Variants in ANK2 observed in about 807,000 individuals in gnomAD.
ANK2 encodes the protein ankyrin-2.
ANK2 carries 83 observed loss-of-function variants against 360.5 expected under a neutral mutation model. The ratio of observed to expected loss-of-function variants is 0.23; its 90% CI spans 0.19 to 0.28. ANK2 has a LOEUF of 0.28. Among genes scored for constraint, ANK2 ranks in the 10% least tolerant of loss-of-function variants. ANK2 has a pLI of 1.00. For missense variants in ANK2, 4,201 were observed against 4,795.7 expected (o/e 0.88, Z 3.66); for synonymous variants, 1,740 against 1,759.5 (o/e 0.99, Z 0.28).
intron 18 of ANK2, among the ~76,000 whole-genome samples, chr4:113,287,023 A>G (rs2064999362): frequency 6.6e-6 from 1 of 152,138 alleles, no homozygotes; most frequent in Non-Finnish European, 1.5e-5. Context: ...TATACCAAAC[A>G]TGTTGCATAA....
intron 2 of ANK2, among the ~76,000 whole-genome samples, chr4:112,960,306 G>A (rs2034089230): frequency 6.6e-6 from 1 of 151,584 alleles, no homozygotes; most frequent in African/African-American, 2.4e-5. Context: ...ATGTATGCAG[G>A]GTGGATTCTA....
the ANK2 span, among the ~76,000 whole-genome samples, chr4:112,782,636 A>T: frequency 4.6e-5 from 7 of 151,946 alleles, no homozygotes; most frequent in African/African-American, 1.7e-4. Context: ...GGAGGCCGAG[A>T]TGGGTGGATC....
At chr4:113,230,540 T>C (rs1017121925) in intron 4 of ANK2, among the ~76,000 whole-genome samples, 1 of 152,118 alleles carries the variant, frequency 6.6e-6, no homozygotes, top group Admixed American at 6.6e-5. Flanking sequence ...TTTTCTCCTC[T>C]TTTAAGTTTT....
At chr4:113,274,118 T>G (rs182821692) in intron 14 of ANK2, among the ~76,000 whole-genome samples, 1 of 152,328 alleles carries the variant, frequency 6.6e-6, no homozygotes, top group East Asian at 1.9e-4. Context: ...CTAGGACTTT[T>G]GGACTAGATT....
rs139808980 is a variant in ANK2 at position 113,119,732 on chromosome 4, C to T, written c.85-54684C>T. Among the ~76,000 whole-genome samples the T allele has an allele frequency of 2.3e-3, 352 of 151,978 alleles. 1 individual carries two copies. Among genetic ancestry groups the T allele is most frequent in the African/African-American group, 8.2e-3 (340 of 41,466 alleles). On this transcript the variant is annotated intron_variant, in intron 1 of 45. Transcript: ENST00000357077. ...TTTGAAAAATTCAGATGAGATCCAC[C>T]CCAATGCAGATAAAAGCCAATTATG...
In ANK2 at chr4:113,367,934, GTTTTTAAATAC is replaced by G. The variant is rs1330511178; in HGVS notation, c.11318+92_11318+102del. On this transcript the variant is annotated intron_variant, in intron 42 of 45. Transcript: ENST00000357077. ...TGCCAGGCATATATAAGCATAACTAGTTTTTAAATACTTTTTAAAATGACCCTACCAAACAC... is the reference window on the plus strand; with the variant it reads ...TGCCAGGCATATATAAGCATAACTAGTTTTTAAAATGACCCTACCAAACAC... The G allele has an allele frequency of 3.3e-6, 5 of 1,524,340 alleles. No homozygotes were observed. In the Admixed American group the frequency reaches 6.8e-5, roughly 21 times the overall value. 94.4% of individuals were successfully genotyped at this position (1,524,340 alleles called of 1,614,324 possible). A position where few individuals can be genotyped will look rare whatever the true frequency, so the allele number is the denominator to read the frequency against.
intron 1 of ANK2, among the ~76,000 whole-genome samples, chr4:113,050,755 TG>T (rs937395540): frequency 6.6e-6 from 1 of 152,244 alleles, no homozygotes. Flanking sequence ...TAGATGGTTT[TG>T]GATTTTGAAT....
the ANK2 span, among the ~76,000 whole-genome samples, chr4:112,790,725 G>A: frequency 6.6e-6 from 1 of 152,034 alleles, no homozygotes; most frequent in Admixed American, 6.6e-5. Context: ...TGGACTAAGC[G>A]ATCCACCCAC....
Position 113,353,334 on chromosome 4 carries a change from A to C in ANK2, c.4716A>C (p.Thr1572=), listed in dbSNP as rs199658305. 8 of 1,614,114 alleles carry C rather than the reference A, an allele frequency of 5.0e-6. No individual in the cohort carries two copies. The highest frequency in any genetic ancestry group is 6.8e-6 in the Non-Finnish European group (8 of 1,179,964). The change falls in exon 38 of 46, where the codon ACA becomes ACC. Residue 1572 remains threonine, a synonymous_variant. Transcript: ENST00000357077. ...AAATCCTGAGAAGTGGAACCTGCAC[A>C]AGAGATGAAAGCAGTGTGCAGAGCT... ...VNEILRSGTC[T]RDESSVQSSR... is the part of the protein sequence containing the mutation.
At position 113,305,391 on chromosome 4, in the gene ANK2, G is replaced by T. The variant is rs29310; in HGVS notation, c.2548+2552G>T. On this transcript the variant is annotated intron_variant, in intron 23 of 45. Coordinates refer to ENST00000357077, the MANE Select transcript of ANK2 (RefSeq NM_001148.6). Reference sequence around the variant, plus strand: ...CTCAGATCTGCCTATTGCATTAAATGAGATAAGTTATAACATTCTGTACTT... The same window carrying T: ...CTCAGATCTGCCTATTGCATTAAATTAGATAAGTTATAACATTCTGTACTT... 3.3e-3 allele frequency among the ~76,000 whole-genome samples: 484 copies of T among 148,290 alleles called. 1 individual carries two copies. Among genetic ancestry groups the T allele is most frequent in the Non-Finnish European group, 6.0e-3 (402 of 67,400 alleles).
At chr4:113,141,292 T>TTCATCCTCC (rs1449250626) in intron 1 of ANK2, 4 of 152,172 alleles carry the variant, frequency 2.6e-5, no homozygotes, top group African/African-American at 7.2e-5. Context: ...TCCCTGTGAG[T>TTCATCCTCC]CTGTCAGGGA....
chr4:112,900,790 T>G (rs953562434), intron 1 of ANK2, among the ~76,000 whole-genome samples: 1 of 152,236 alleles, frequency 6.6e-6, no homozygotes, highest in Non-Finnish European at 1.5e-5. Flanking sequence ...CACCAAGCCC[T>G]TTAATGCCTG....
intron 1 of ANK2, among the ~76,000 whole-genome samples, chr4:113,107,918 G>A (rs1236354630): frequency 6.6e-6 from 1 of 152,064 alleles, no homozygotes; most frequent in Non-Finnish European, 1.5e-5. Context: ...ACATAAAGAA[G>A]CTTTATTTCA....
At chr4:112,737,965 A>G in the ANK2 span, among the ~76,000 whole-genome samples, 2 of 152,236 alleles carry the variant, frequency 1.3e-5, no homozygotes, top group Admixed American at 6.5e-5. Context: ...ATCGGGGTAC[A>G]TCGATAGAAC....
the ANK2 span, among the ~76,000 whole-genome samples, chr4:112,739,322 A>G: frequency 6.6e-6 from 1 of 152,158 alleles, no homozygotes. Context: ...CTTTTAAAAG[A>G]TATTTCTAGG....
At chr4:112,985,585 A>G (rs562510582) in intron 2 of ANK2, among the ~76,000 whole-genome samples, 10 of 152,338 alleles carry the variant, frequency 6.6e-5, no homozygotes, top group African/African-American at 2.4e-4. Context: ...GGCATTAGTT[A>G]TACCATAGGG....
At chr4:112,861,984 G>T (rs1401632722) in intron 1 of ANK2, among the ~76,000 whole-genome samples, 1 of 152,186 alleles carries the variant, frequency 6.6e-6, no homozygotes, top group Non-Finnish European at 1.5e-5. Context: ...TTGGCTCATG[G>T]ATTGAAATCT....
intron 1 of ANK2, among the ~76,000 whole-genome samples, chr4:112,859,880 C>T (rs1386541613): frequency 1.3e-5 from 2 of 152,202 alleles, no homozygotes; most frequent in African/African-American, 2.4e-5. Flanking sequence ...GAGTTGTTTA[C>T]TAAACTTGTC....
At chr4:112,880,108 C>T (rs993705507) in intron 1 of ANK2, among the ~76,000 whole-genome samples, 1 of 151,950 alleles carries the variant, frequency 6.6e-6, no homozygotes, top group East Asian at 1.9e-4. Flanking sequence ...TCTCTTACAG[C>T]TTTATAGAGG....
Sources: gnomAD v4.1 joint callset for allele counts (sites outside exome capture counted in the v4.1 genomes callset) on GRCh38, gnomAD v4.1.1 for gene constraint, MANE v1.5 for transcripts, NCBI Gene and HGNC (gene_info 2026-07-23, HGNC 2026-07-21) for gene names.